Variants in EML4 observed in about 807,000 individuals in gnomAD.
EML4 encodes the protein echinoderm microtubule-associated protein-like 4.
In EML4, 72 loss-of-function variants were observed where a neutral mutation model predicts 129.0. The observed-to-expected ratio is 0.56, with a 90% confidence interval of 0.46 to 0.68. The LOEUF (loss-of-function observed/expected upper bound fraction) is 0.68. Ranked by LOEUF, EML4 falls within the 30% of genes least tolerant of loss-of-function variation. The pLI is 0.00. For missense variants in EML4, 1,363 were observed against 1,190.6 expected, an observed-to-expected ratio of 1.14 and a Z score of -2.13; for synonymous variants, 532 against 405.0, an observed-to-expected ratio of 1.31 and a Z score of -3.77.
chr2:42,312,932 GA>G (rs1669041447), intron 17 of EML4, among the ~76,000 whole-genome samples: 1 of 144,322 alleles, frequency 6.9e-6, no homozygotes, highest in Non-Finnish European at 1.5e-5. Context: ...TTTCCCTACT[GA>G]ACCAATGTAT....
In EML4 at chr2:42,245,521, T is replaced by G; in HGVS notation, c.42T>G (p.Ala14=). ...ATTTTATAGATGATAGTATTTCTGC[T>G]GCAAGTACTTCTGATGTTCAAGATC... The part of the protein sequence containing the change: ...FAGSLDDSIS[A]ASTSDVQDRL... The change falls in exon 2 of 23, where the codon GCT becomes GCG. Residue 14 remains alanine, a synonymous_variant. Coordinates refer to ENST00000318522, the MANE Select transcript of EML4 (RefSeq NM_019063.5). The G allele has an allele frequency of 1.2e-6, 2 of 1,612,608 alleles. No homozygotes were observed. Among genetic ancestry groups the G allele is most frequent in the Non-Finnish European group, 1.7e-6 (2 of 1,178,982 alleles).
chr2:42,192,268 C>T (rs1671638458), intron 1 of EML4, among the ~76,000 whole-genome samples: 1 of 141,264 alleles, frequency 7.1e-6, no homozygotes, highest in African/African-American at 2.7e-5. Context: ...TAGTCTTGCT[C>T]CTCTGTTGCC....
chr2:42,330,194 C>T lies in EML4; in HGVS notation c.2933C>T (p.Ser978Leu), dbSNP rs28364731. ...CTTCTGGAGGACCAGCAAGACCCTTCGCCCTCGTCCTAACACCCTGGCTTC... is the reference window on the plus strand; with the variant it reads ...CTTCTGGAGGACCAGCAAGACCCTTTGCCCTCGTCCTAACACCCTGGCTTC... The part of the protein sequence containing the change: ...ATLLEDQQDP[S>L]PSS Residue 978 changes from serine (S) to leucine (L), a missense_variant, in exon 23 of 23, where the codon TCG becomes TTG. Coordinates refer to ENST00000318522, the MANE Select transcript of EML4 (RefSeq NM_019063.5). 1.2e-3 allele frequency: 1,961 copies of T among 1,612,838 alleles called. 47 individuals are homozygous for T. The East Asian group carries it at 0.036, about 30-fold the overall frequency.
At chr2:42,193,718 G>A (rs566896394) in intron 1 of EML4, among the ~76,000 whole-genome samples, 1 of 151,440 alleles carries the variant, frequency 6.6e-6, no homozygotes, top group Non-Finnish European at 1.5e-5. Context: ...TGGGGTCTTG[G>A]TATGTCACCT....
At chr2:42,191,140 T>G (rs969701592) in intron 1 of EML4, among the ~76,000 whole-genome samples, 2 of 152,206 alleles carry the variant, frequency 1.3e-5, no homozygotes, top group African/African-American at 4.8e-5. Context: ...CCTGATAAAC[T>G]TAGTTTACAA....
chr2:42,299,030 A>G (rs2103699510), intron 13 of EML4, among the ~76,000 whole-genome samples: 1 of 152,292 alleles, frequency 6.6e-6, no homozygotes. Context: ...ACAGAGATAG[A>G]TACTTATCTA....
intron 4 of EML4, among the ~76,000 whole-genome samples, chr2:42,262,396 G>A (rs1665785009): frequency 6.6e-6 from 1 of 152,108 alleles, no homozygotes; most frequent in Admixed American, 6.6e-5. Flanking sequence ...TTTGGATTGT[G>A]TGTGGTTTAA....
chr2:42,254,829 T>A (rs1267623036), intron 2 of EML4, among the ~76,000 whole-genome samples: 1 of 151,880 alleles, frequency 6.6e-6, no homozygotes, highest in Non-Finnish European at 1.5e-5. Flanking sequence ...TATGAAAAAT[T>A]TTACACAAAT....
intron 2 of EML4, among the ~76,000 whole-genome samples, chr2:42,250,242 C>T (rs952713900): frequency 6.6e-6 from 1 of 152,078 alleles, no homozygotes; most frequent in Admixed American, 6.6e-5. Flanking sequence ...CGAAAGAACC[C>T]AAAGGCAAAA....
At chr2:42,198,729 T>C (rs1208092535) in intron 1 of EML4, among the ~76,000 whole-genome samples, 4 of 152,118 alleles carry the variant, frequency 2.6e-5, no homozygotes, top group East Asian at 3.8e-4. Context: ...GGAATAGTTA[T>C]TGAGGCAATG....
chr2:42,329,132 G>C (rs1194263786), intron 22 of EML4, 116 bp downstream of exon 22: 18 of 1,054,390 alleles, frequency 1.7e-5, no homozygotes, highest in Admixed American at 5.3e-5. Flanking sequence ...CCAGTGCACA[G>C]AGGGAGATAA....
intron 16 of EML4, 34 bp from the exon 17 acceptor site, chr2:42,304,450 T>C (rs1377235435): frequency 1.9e-6 from 3 of 1,574,376 alleles, no homozygotes; most frequent in Non-Finnish European, 2.6e-6. Context: ...GACTTTCTCA[T>C]GTACTCCCCA....
At chr2:42,254,669 A>G (rs1311145389) in intron 2 of EML4, among the ~76,000 whole-genome samples, 1 of 151,474 alleles carries the variant, frequency 6.6e-6, no homozygotes, top group Non-Finnish European at 1.5e-5. Context: ...GAATATGGTG[A>G]CATTGGAATC....
rs535625965 is a variant in EML4, at chr2:42,169,387, G to A, written c.-225G>A. On this transcript the variant is annotated 5_prime_UTR_variant, in exon 1 of 23. Transcript: ENST00000318522. Reference sequence around the variant, plus strand: ...GCGGCTGCTGCCTGGGAGGGAGGCCGGGCAGGCGGCTGAGCGGCGCGGCTC... The same window carrying A: ...GCGGCTGCTGCCTGGGAGGGAGGCCAGGCAGGCGGCTGAGCGGCGCGGCTC... 1.2e-5 allele frequency: 4 copies of A among 324,690 alleles called. No individual in the cohort carries two copies. In the South Asian group the frequency reaches 2.4e-4, roughly 20 times the overall value. The allele number at this position is 324,690 out of a possible 1,614,324, so 20.1% of individuals were successfully genotyped here.
At chr2:42,302,225 TTG>T (rs1239616770) in intron 14 of EML4, among the ~76,000 whole-genome samples, 2 of 152,148 alleles carry the variant, frequency 1.3e-5, no homozygotes, top group African/African-American at 4.8e-5. Context: ...AATTGACACA[TTG>T]TAATTGAACA....
intron 1 of EML4, among the ~76,000 whole-genome samples, chr2:42,220,688 T>G (rs1413114358): frequency 6.6e-6 from 1 of 152,134 alleles, no homozygotes; most frequent in African/African-American, 2.4e-5. Context: ...TGATGAAGCT[T>G]AGATGAAGAA....
In EML4 at chr2:42,317,085, C is replaced by A. The variant is rs191856513; in HGVS notation, c.2057-342C>A. Among the ~76,000 whole-genome samples the A allele has an allele frequency of 6.6e-5, 10 of 152,238 alleles. No individual in the cohort carries two copies. In the East Asian group the frequency reaches 1.9e-3, roughly 29 times the overall value. ...CAAGAGCACCTGTTCTGTAATTGGACAGATCATATATGCTAGATGAACTAA... is the reference window on the plus strand; with the variant it reads ...CAAGAGCACCTGTTCTGTAATTGGAAAGATCATATATGCTAGATGAACTAA... On this transcript the variant is annotated intron_variant, in intron 18 of 22. Transcript: ENST00000318522.
At chr2:42,238,078 G>A (rs1247504024) in intron 1 of EML4, among the ~76,000 whole-genome samples, 1 of 152,160 alleles carries the variant, frequency 6.6e-6, no homozygotes, top group African/African-American at 2.4e-5. Context: ...TTTAAATACT[G>A]TATAAAATTA....
chr2:42,221,076 C>T (rs1673560942), intron 1 of EML4, among the ~76,000 whole-genome samples: 4 of 152,136 alleles, frequency 2.6e-5, no homozygotes, highest in Non-Finnish European at 5.9e-5. Context: ...GAAGCTGCAG[C>T]AGGTTATCTA....
Sources: allele counts gnomAD v4.1 joint callset (sites outside exome capture counted in the v4.1 genomes callset), GRCh38; gene constraint gnomAD v4.1.1; transcripts MANE v1.5; gene names NCBI Gene and HGNC (gene_info 2026-07-23, HGNC 2026-07-21).